The following CEP128 variants were observed in gnomAD, a reference collection of about 807,000 sequenced individuals.
CEP128 encodes the protein centrosomal protein 128.
A neutral mutation model predicts 156.7 loss-of-function variants in CEP128; 132 were observed. That is an observed-to-expected ratio of 0.84 (90% confidence interval 0.73 to 0.97). The LOEUF is 0.97. CEP128 is among the 50% of genes least tolerant of loss of function. CEP128 has a pLI of 0.00. For missense variants in CEP128, 1,252 were observed against 1,281.9 expected (o/e 0.98, Z 0.36); for synonymous variants, 469 against 448.9 (o/e 1.04, Z -0.57).
At chr14:80,757,059 G>A in intron 17 of CEP128, 108 bp from the exon 18 acceptor site, 1 of 683,448 alleles carries the variant, frequency 1.5e-6, no homozygotes, top group Non-Finnish European at 2.4e-6. Context: ...CCAATTTAAG[G>A]ATTTAAAAAG....
chr14:80,700,149 G>T (rs1313197621), intron 19 of CEP128, among the ~76,000 whole-genome samples: 1 of 152,138 alleles, frequency 6.6e-6, no homozygotes, highest in Admixed American at 6.5e-5. Flanking sequence ...TTGTGAACTT[G>T]AATAATGACA....
At chr14:80,712,700 T>C (rs1897457916) in intron 19 of CEP128, among the ~76,000 whole-genome samples, 1 of 152,150 alleles carries the variant, frequency 6.6e-6, no homozygotes, top group African/African-American at 2.4e-5. Context: ...AGGCAAGCAC[T>C]CTGGCAGCCT....
At chr14:80,746,533 C>T (rs939386651) in intron 18 of CEP128, among the ~76,000 whole-genome samples, 1 of 152,132 alleles carries the variant, frequency 6.6e-6, no homozygotes, top group Non-Finnish European at 1.5e-5. Context: ...ACTAAATATA[C>T]AAATACAAAA....
intron 13 of CEP128, among the ~76,000 whole-genome samples, chr14:80,804,242 T>C (rs1282744840): frequency 1.3e-5 from 2 of 152,172 alleles, no homozygotes; most frequent in African/African-American, 4.8e-5. Context: ...CAATATTTCT[T>C]ATATAAAAAC....
chr14:80,830,435 T>C, intron 13 of CEP128: 1 of 396,208 alleles, frequency 2.5e-6, no homozygotes, highest in Non-Finnish European at 4.5e-6. Context: ...CAAAAACAGA[T>C]ACAGGGAGGA....
intron 2 of CEP128, among the ~76,000 whole-genome samples, chr14:80,916,886 CT>C (rs1361608815): frequency 6.6e-6 from 1 of 152,144 alleles, no homozygotes; most frequent in Non-Finnish European, 1.5e-5. Flanking sequence ...TCACTTAATC[CT>C]ACCAACAACA....
intron 8 of CEP128, among the ~76,000 whole-genome samples, chr14:80,886,882 C>T (rs1888833545): frequency 6.6e-6 from 1 of 152,060 alleles, no homozygotes; most frequent in South Asian, 2.1e-4. Context: ...ATTCAGGAGA[C>T]CCATCTCACA....
intron 8 of CEP128, among the ~76,000 whole-genome samples, chr14:80,876,771 A>G (rs1888304732): frequency 6.6e-6 from 1 of 152,212 alleles, no homozygotes; most frequent in African/African-American, 2.4e-5. Context: ...TTTCAGACAC[A>G]TACAGAGAAG....
At chr14:80,955,352 G>GGAGGGGCGCCCGGGGT (rs869060954) in intron 2 of CEP128, 1 of 474,360 alleles carries the variant, frequency 2.1e-6, no homozygotes, top group Admixed American at 3.4e-5. Context: ...CGCCCGGGGT[G>GGAGGGGCGCCCGGGGT]GGGGGGCGGG....
rs1894130668 is a variant in CEP128 at position 80,635,220 on chromosome 14, T to C, written c.2807-54797A>G. 2.0e-5 allele frequency among the ~76,000 whole-genome samples: 3 copies of C among 152,186 alleles called. No individual in the cohort carries two copies. The South Asian group carries it at 6.2e-4, about 31-fold the overall frequency. ...ATCTGTCCGTGAAAATTCATTGCAA[T>C]GTTCTCCTTGGAGTCCATACTCAAT... is the stretch of plus-strand genomic sequence containing the variant. On this transcript the variant is annotated intron_variant, in intron 19 of 24. Coordinates refer to ENST00000555265, the MANE Select transcript of CEP128 (RefSeq NM_152446.5).
intron 20 of CEP128, among the ~76,000 whole-genome samples, chr14:80,560,871 T>A (rs1890642292): frequency 6.6e-6 from 1 of 152,088 alleles, no homozygotes; most frequent in Admixed American, 6.6e-5. Context: ...TCGTGCAAGT[T>A]AATACTGAAT....
intron 19 of CEP128, among the ~76,000 whole-genome samples, chr14:80,620,018 G>T (rs950715645): frequency 6.6e-6 from 1 of 151,812 alleles, no homozygotes; most frequent in Non-Finnish European, 1.5e-5. Flanking sequence ...CCAGCTATTC[G>T]GGAGGGTGAG....
At chr14:80,477,503 C>T (rs1025166252) in exon 15 of CEP128, 7 of 152,098 alleles carry the variant, frequency 4.6e-5, no homozygotes, top group African/African-American at 9.7e-5. Flanking sequence ...TGTAAAGCAC[C>T]TCCCCGTGTT....
chr14:80,752,571 A>T (rs1310197935), intron 18 of CEP128, among the ~76,000 whole-genome samples: 1 of 152,230 alleles, frequency 6.6e-6, no homozygotes, highest in Non-Finnish European at 1.5e-5. Flanking sequence ...TTAGATATTT[A>T]TCCACATCTA....
intron 2 of CEP128, among the ~76,000 whole-genome samples, chr14:80,935,788 AT>A (rs1189897051): frequency 6.6e-6 from 1 of 152,012 alleles, no homozygotes; most frequent in African/African-American, 2.4e-5. Flanking sequence ...AATAATACTA[AT>A]AATTCAACAA....
At chr14:80,567,382 A>G (rs1038406075) in intron 20 of CEP128, among the ~76,000 whole-genome samples, 1 of 152,144 alleles carries the variant, frequency 6.6e-6, no homozygotes, top group Non-Finnish European at 1.5e-5. Context: ...ATGGGGGTCT[A>G]TTGGTTTGTT....
At chr14:80,537,217 T>C (rs1889525416) in intron 21 of CEP128, among the ~76,000 whole-genome samples, 1 of 152,204 alleles carries the variant, frequency 6.6e-6, no homozygotes, top group African/African-American at 2.4e-5. Context: ...GAATCTGCCA[T>C]TTCAAATTAC....
chr14:80,934,377 G>A (rs1300919356), intron 2 of CEP128, among the ~76,000 whole-genome samples: 1 of 152,164 alleles, frequency 6.6e-6, no homozygotes, highest in African/African-American at 2.4e-5. Flanking sequence ...TTAAAACATC[G>A]ATAAAGTAGA....
chr14:80,689,670 C>CTG (rs986603638), intron 19 of CEP128, among the ~76,000 whole-genome samples: 1 of 151,464 alleles, frequency 6.6e-6, no homozygotes, highest in Non-Finnish European at 1.5e-5. Context: ...CTGTTGTACT[C>CTG]TGTGTGTGTG....
Sources: allele counts gnomAD v4.1 joint callset (sites outside exome capture counted in the v4.1 genomes callset), GRCh38; gene constraint gnomAD v4.1.1; transcripts MANE v1.5; gene names NCBI Gene and HGNC (gene_info 2026-07-23, HGNC 2026-07-21).